Variants in AP3B2 observed in about 807,000 individuals in gnomAD.
AP3B2 encodes adaptor related protein complex 3 subunit beta 2.
A neutral mutation model predicts 126.9 loss-of-function variants in AP3B2; 50 were observed. The ratio of observed to expected loss-of-function variants is 0.39; its 90% CI spans 0.31 to 0.50. AP3B2 has a LOEUF of 0.50. Ranked by LOEUF, AP3B2 falls within the 20% of genes least tolerant of loss-of-function variation. AP3B2 has a pLI of 0.79. For synonymous variants in AP3B2, 541 were observed against 565.0 expected (o/e 0.96, Z 0.60); for missense variants, 1,177 against 1,426.4 (o/e 0.83, Z 2.82).
intron 1 of AP3B2, among the ~76,000 whole-genome samples, chr15:82,700,397 C>CTGTTTTTTTTTTTTTTTTTTTTTT (rs2048699976): frequency 5.7e-5 from 2 of 35,096 alleles, no homozygotes; most frequent in African/African-American, 1.0e-4. Flanking sequence ...TGGTGGGTGG[C>CTGTTTTTTTTTTTTTTTTTTTTTT]TTTTTTTTTT....
chr15:82,680,053 G>A lies in AP3B2; in HGVS notation c.1110+122C>T. The stretch of plus-strand genomic sequence containing the variant: ...TGGAGCCTCCCCTGCCCCATCCTCT[G>A]CACAGCCAGGGTATTCCTCCATCTT... On this transcript the variant is annotated intron_variant, in intron 9 of 26. Transcript: ENST00000535359. The surrounding 1 kb of genome is among the most constrained non-coding windows in gnomAD (Gnocchi z 6.1). The A allele has an allele frequency of 7.2e-7, 1 of 1,394,840 alleles. No homozygotes were observed. Among genetic ancestry groups the A allele is most frequent in the Non-Finnish European group, 9.8e-7 (1 of 1,018,972 alleles). The allele number at this position is 1,394,840 out of a possible 1,614,324, so 86.4% of individuals were successfully genotyped here.
rs1337924220 is a variant in AP3B2 at position 82,665,993 on chromosome 15, G to A, written c.1853-418C>T. Among the ~76,000 whole-genome samples, 2 of 152,230 alleles carry A rather than the reference G, an allele frequency of 1.3e-5. No individual in the cohort carries two copies. The highest frequency in any genetic ancestry group is 4.8e-5 in the African/African-American group (2 of 41,462). On this transcript the variant is annotated intron_variant, in intron 15 of 26. Coordinates refer to ENST00000535359, the MANE Select transcript of AP3B2 (RefSeq NM_001278512.2). This position sits in a 1 kb window ranked among gnomAD's most constrained non-coding sequence, Gnocchi z 4.4. ...AGGAGGGCAGCACAGGCCTGTGAGTGAGGATGGTGTCGGGGAGAAAGGGAC... is the reference window on the plus strand; with the variant it reads ...AGGAGGGCAGCACAGGCCTGTGAGTAAGGATGGTGTCGGGGAGAAAGGGAC...
At chr15:82,700,038 G>C (rs1354350383) in intron 1 of AP3B2, among the ~76,000 whole-genome samples, 1 of 152,048 alleles carries the variant, frequency 6.6e-6, no homozygotes. Flanking sequence ...AGGGAAAGAA[G>C]GGCAGGGACA....
chr15:82,686,144 G>A (rs946484166), intron 4 of AP3B2: 9 of 152,164 alleles, frequency 5.9e-5, no homozygotes, highest in Non-Finnish European at 1.0e-4. Context: ...AATCACCCTG[G>A]TTTGGACCCT....
Position 82,680,351 on chromosome 15 carries a change from G to T in AP3B2, c.1055+121C>A. 6 of 1,514,776 alleles carry T rather than the reference G, an allele frequency of 4.0e-6. No homozygotes were observed. In the South Asian group the frequency reaches 6.0e-5, roughly 15 times the overall value. The allele number at this position is 1,514,776 out of a possible 1,614,324, so 93.8% of individuals were successfully genotyped here. On this transcript the variant is annotated intron_variant, in intron 8 of 26. Coordinates refer to ENST00000535359, the MANE Select transcript of AP3B2 (RefSeq NM_001278512.2). This position sits in a 1 kb window ranked among gnomAD's most constrained non-coding sequence, Gnocchi z 6.1. Reference sequence around the variant, plus strand: ...GACCAGTGCGGAGGGCAGGACTACGGTCAGTGTGGAGCGGGTGGGCAGAGG... The same window carrying T: ...GACCAGTGCGGAGGGCAGGACTACGTTCAGTGTGGAGCGGGTGGGCAGAGG...
At chr15:82,689,652 T>C in intron 1 of AP3B2, 199 bp from the exon 2 acceptor site, 1 of 593,272 alleles carries the variant, frequency 1.7e-6, no homozygotes, top group Admixed American at 3.0e-5. Context: ...TGGGTTGAAC[T>C]GTGTCCTTCC....
Position 82,680,672 on chromosome 15 carries a change from C to T in AP3B2, c.855G>A (p.Thr285=), listed in dbSNP as rs377638665. 1.3e-3 allele frequency: 2,103 copies of T among 1,579,080 alleles called. 5 individuals carry two copies. The highest frequency in any genetic ancestry group is 1.6e-3 in the Non-Finnish European group (1,926 of 1,167,522). Residue 285 remains threonine (T), a synonymous_variant, in exon 8 of 27, where the codon ACG becomes ACA. Coordinates refer to ENST00000535359, the MANE Select transcript of AP3B2 (RefSeq NM_001278512.2). The surrounding 1 kb of genome is among the most constrained non-coding windows in gnomAD (Gnocchi z 6.1). ...DEAKGAGSEE[T]AAAAAPSRKP... is the part of the protein sequence containing the mutation. The stretch of plus-strand genomic sequence containing the variant: ...TTCGGGAGGGGGCGGCCGCGGCGGC[C>T]GTCTCCTCAGACCCCGCGCCCTTGG...
chr15:82,671,062 TC>T (rs758085738), intron 14 of AP3B2, among the ~76,000 whole-genome samples: 45 of 151,974 alleles, frequency 3.0e-4, no homozygotes, highest in Non-Finnish European at 5.7e-4. Context: ...GGCAGGCGGA[TC>T]ACCTGAGATC....
intron 1 of AP3B2, among the ~76,000 whole-genome samples, chr15:82,704,425 A>G (rs1306118418): frequency 6.6e-6 from 1 of 152,228 alleles, no homozygotes; most frequent in Non-Finnish European, 1.5e-5. Flanking sequence ...CTCCACTGTG[A>G]GAGAAACCCC....
chr15:82,701,143 G>A (rs917289932), intron 1 of AP3B2, among the ~76,000 whole-genome samples: 1 of 152,186 alleles, frequency 6.6e-6, no homozygotes, highest in African/African-American at 2.4e-5. Context: ...TTACAGGCAT[G>A]AGCCACTGTA....
At chr15:82,682,742 G>A (rs536150230) in intron 4 of AP3B2, among the ~76,000 whole-genome samples, 1 of 151,698 alleles carries the variant, frequency 6.6e-6, no homozygotes, top group African/African-American at 2.4e-5. Context: ...AAAAAGTTAT[G>A]TTTACAATAT....
At position 82,680,879 on chromosome 15, in the gene AP3B2, G is replaced by T. The variant is rs959711720; in HGVS notation, c.729C>A (p.Leu243=). The change falls in exon 7 of 27, where the codon CTC becomes CTA. Residue 243 remains leucine, a synonymous_variant. Coordinates refer to ENST00000535359, the MANE Select transcript of AP3B2 (RefSeq NM_001278512.2). This position sits in a 1 kb window ranked among gnomAD's most constrained non-coding sequence, Gnocchi z 6.1. ...GGAACTGCGTGCGGGCGTAGCGGGT[G>T]AGCATGCTGATGATGACCACCTGGC... The part of the protein sequence containing the change: ...EWGQVVIISM[L]TRYARTQFLS... The T allele has an allele frequency of 6.2e-7, 1 of 1,613,816 alleles. No homozygotes were observed. Among genetic ancestry groups the T allele is most frequent in the Non-Finnish European group, 8.5e-7 (1 of 1,179,864 alleles).
At chr15:82,695,431 C>T (rs1358166985) in intron 1 of AP3B2, among the ~76,000 whole-genome samples, 2 of 152,048 alleles carry the variant, frequency 1.3e-5, no homozygotes, top group Non-Finnish European at 2.9e-5. Flanking sequence ...ACTATTTGAC[C>T]TCTGGGGAAT....
At chr15:82,694,792 G>T (rs1414094611) in intron 1 of AP3B2, among the ~76,000 whole-genome samples, 2 of 152,222 alleles carry the variant, frequency 1.3e-5, no homozygotes, top group South Asian at 4.2e-4. Context: ...TGTCAGCAGG[G>T]TTGGTTTCTT....
At chr15:82,675,469 G>A (rs1231258143) in intron 14 of AP3B2, among the ~76,000 whole-genome samples, 4 of 152,280 alleles carry the variant, frequency 2.6e-5, no homozygotes, top group African/African-American at 4.8e-5. Flanking sequence ...AGACTCCCAC[G>A]CACAGTGGAC....
intron 10 of AP3B2, among the ~76,000 whole-genome samples, chr15:82,678,963 A>C (rs2048286253): frequency 6.6e-6 from 1 of 151,912 alleles, no homozygotes. Flanking sequence ...AATCAAATGG[A>C]GGTATGGGCT....
At chr15:82,678,046 G>C in intron 11 of AP3B2, 59 bp downstream of exon 11, 1 of 1,572,036 alleles carries the variant, frequency 6.4e-7, no homozygotes, top group South Asian at 1.1e-5. Flanking sequence ...TACCCACCAG[G>C]GCACAAGGAT....
At chr15:82,702,528 T>C (rs1275726958) in intron 1 of AP3B2, among the ~76,000 whole-genome samples, 1 of 152,134 alleles carries the variant, frequency 6.6e-6, no homozygotes, top group Non-Finnish European at 1.5e-5. Context: ...AAATTCCTTC[T>C]CCTGGCTCAT....
rs1484891701 is a variant in AP3B2, at chr15:82,680,452, G to A, written c.1055+20C>T. 4 of 1,467,442 alleles carry A rather than the reference G, an allele frequency of 2.7e-6. No homozygotes were observed. Among genetic ancestry groups the A allele is most frequent in the Non-Finnish European group, 2.7e-6 (3 of 1,112,482 alleles). The allele number at this position is 1,467,442 out of a possible 1,614,324, so 90.9% of individuals were successfully genotyped here. ...GGGGCAGGAGGCGAGGGAGGGGGCG[G>A]GGCTGGGGGCGGAGCGCACCTGTGG... On this transcript the variant is annotated intron_variant, in intron 8 of 26. Transcript: ENST00000535359. This position sits in a 1 kb window ranked among gnomAD's most constrained non-coding sequence, Gnocchi z 6.1.
Sources: allele counts gnomAD v4.1 joint callset (sites outside exome capture counted in the v4.1 genomes callset), GRCh38; gene constraint gnomAD v4.1.1; non-coding constraint Gnocchi (gnomAD v3.1); transcripts MANE v1.5; gene names NCBI Gene and HGNC (gene_info 2026-07-23, HGNC 2026-07-21).